PCED1B: variants seen among roughly 807,000 people sequenced by gnomAD.
PCED1B encodes the protein PC-esterase domain-containing protein 1B.
For synonymous variants in PCED1B, 251 were observed against 246.1 expected (o/e 1.02, Z -0.19); for missense variants, 573 against 573.9 (o/e 1.00, Z 0.02).
intron 1 of PCED1B, among the ~76,000 whole-genome samples, chr12:47,093,378 C>G (rs985387241): frequency 2.7e-5 from 4 of 147,304 alleles, no homozygotes; most frequent in African/African-American, 1.0e-4. Context: ...ATTTTTTTTT[C>G]TTTTGATCAG....
intron 2 of PCED1B, among the ~76,000 whole-genome samples, chr12:47,154,069 T>C (rs1376572111): frequency 6.6e-6 from 1 of 152,160 alleles, no homozygotes; most frequent in Non-Finnish European, 1.5e-5. Context: ...TTCTCCAGGG[T>C]CTCTACACAA....
intron 1 of PCED1B, among the ~76,000 whole-genome samples, chr12:47,080,908 C>T (rs377642570): frequency 6.6e-6 from 1 of 152,060 alleles, no homozygotes; most frequent in African/African-American, 2.4e-5. Flanking sequence ...GTGGCGCGTG[C>T]GGGACAGGGA....
chr12:47,177,438 G>A (rs939896252), intron 2 of PCED1B, among the ~76,000 whole-genome samples: 1 of 152,144 alleles, frequency 6.6e-6, no homozygotes, highest in Admixed American at 6.5e-5. Context: ...CCTCACTGTG[G>A]TTCCAATCAC....
At chr12:47,158,216 C>G (rs1941256633) in intron 2 of PCED1B, among the ~76,000 whole-genome samples, 1 of 152,192 alleles carries the variant, frequency 6.6e-6, no homozygotes, top group South Asian at 2.1e-4. Context: ...CAGTTTGTGA[C>G]TGTTTTCCAC....
At chr12:47,226,404 C>T (rs1351209785) in intron 3 of PCED1B, among the ~76,000 whole-genome samples, 1 of 152,212 alleles carries the variant, frequency 6.6e-6, no homozygotes, top group East Asian at 1.9e-4. Flanking sequence ...GAGTGAGTCT[C>T]GCTCTGTCGC....
In PCED1B at chr12:47,149,557, G is replaced by T. The variant is rs189598878; in HGVS notation, c.-526+45362G>T. ...ACTTTTTCAGACAGATCCTTTAAAAGTTGACTCTGGAGCCCGTCAACCTGA... is the reference window on the plus strand; with the variant it reads ...ACTTTTTCAGACAGATCCTTTAAAATTTGACTCTGGAGCCCGTCAACCTGA... On this transcript the variant is annotated intron_variant, in intron 2 of 3. Coordinates refer to ENST00000546455, the MANE Select transcript of PCED1B (RefSeq NM_138371.3). 1.3e-4 allele frequency among the ~76,000 whole-genome samples: 20 copies of T among 152,324 alleles called. No homozygotes were observed. In the East Asian group the frequency reaches 3.3e-3, roughly 25 times the overall value.
intron 1 of PCED1B, among the ~76,000 whole-genome samples, chr12:47,093,498 T>C (rs557570597): frequency 3.9e-5 from 6 of 152,092 alleles, no homozygotes; most frequent in African/African-American, 1.4e-4. Flanking sequence ...GTAAGTTTGA[T>C]TCCTGCTCTC....
chr12:47,121,064 A>G (rs1407658063), intron 2 of PCED1B, among the ~76,000 whole-genome samples: 4 of 152,184 alleles, frequency 2.6e-5, no homozygotes, highest in African/African-American at 9.7e-5. Flanking sequence ...AAATGTTCTA[A>G]AATTGTGGTG....
intron 1 of PCED1B, among the ~76,000 whole-genome samples, chr12:47,093,153 T>TA (rs1050408174): frequency 2.0e-4 from 30 of 151,138 alleles, no homozygotes; most frequent in East Asian, 3.9e-4. Context: ...GGCTTAATTT[T>TA]AAAAAAAAAT....
At chr12:47,172,849 A>G (rs1312208243) in intron 2 of PCED1B, among the ~76,000 whole-genome samples, 2 of 152,224 alleles carry the variant, frequency 1.3e-5, no homozygotes, top group African/African-American at 2.4e-5. Context: ...GCCTAGAGGA[A>G]ACAGCAATGT....
intron 2 of PCED1B, among the ~76,000 whole-genome samples, chr12:47,184,181 T>C (rs748082254): frequency 6.6e-5 from 10 of 152,148 alleles, no homozygotes; most frequent in Non-Finnish European, 1.2e-4. Context: ...ATATTTTCCA[T>C]TGTAAATGTA....
At chr12:47,085,625 TG>T (rs1244444999) in intron 1 of PCED1B, among the ~76,000 whole-genome samples, 1 of 152,232 alleles carries the variant, frequency 6.6e-6, no homozygotes, top group Non-Finnish European at 1.5e-5. Flanking sequence ...CAAAATGGTA[TG>T]GTTCCAGTTT....
chr12:47,167,827 C>T lies in PCED1B; in HGVS notation c.-525-48395C>T, dbSNP rs541887275. The stretch of plus-strand genomic sequence containing the variant: ...TGGAGGGAAGATGGGCCTTCTAGCT[C>T]AAAAGAGCACCTCCAGAGTAAAACT... On this transcript the variant is annotated intron_variant, in intron 2 of 3. Coordinates refer to ENST00000546455, the MANE Select transcript of PCED1B (RefSeq NM_138371.3). Among the ~76,000 whole-genome samples, 13 of 152,292 alleles carry T rather than the reference C, an allele frequency of 8.5e-5. No individual in the cohort carries two copies. The South Asian group carries it at 2.5e-3, about 29-fold the overall frequency.
rs138639809 is a variant in PCED1B, at chr12:47,082,073, A to G, written c.-609+2348A>G. Among the ~76,000 whole-genome samples, 204 of 152,346 alleles carry G rather than the reference A, an allele frequency of 1.3e-3. 1 individual carries two copies. The highest frequency in any genetic ancestry group is 4.7e-3 in the African/African-American group (197 of 41,584). ...GTTTACTAGCTGGGAGGAAAGAAAG[A>G]TAAGAGTTGATCTTAAGGTATAAGA... On this transcript the variant is annotated intron_variant, in intron 1 of 3. Coordinates refer to ENST00000546455, the MANE Select transcript of PCED1B (RefSeq NM_138371.3).
chr12:47,227,738 C>A (rs1943676886), intron 3 of PCED1B, among the ~76,000 whole-genome samples: 1 of 151,906 alleles, frequency 6.6e-6, no homozygotes, highest in African/African-American at 2.4e-5. Context: ...CCTGTAATTG[C>A]AGGTATCTGG....
At chr12:47,113,331 A>T (rs1303372845) in intron 2 of PCED1B, among the ~76,000 whole-genome samples, 2 of 152,230 alleles carry the variant, frequency 1.3e-5, no homozygotes, top group Non-Finnish European at 2.9e-5. Flanking sequence ...TCTTGAACAT[A>T]TACTATGTAT....
chr12:47,218,448 G>A (rs905869753), intron 3 of PCED1B, among the ~76,000 whole-genome samples: 9 of 152,178 alleles, frequency 5.9e-5, no homozygotes, highest in African/African-American at 2.2e-4. Context: ...CAAAGCAGTG[G>A]GAACTCAAGT....
At chr12:47,183,777 AT>A (rs1178355761) in intron 2 of PCED1B, among the ~76,000 whole-genome samples, 1 of 152,054 alleles carries the variant, frequency 6.6e-6, no homozygotes, top group Non-Finnish European at 1.5e-5. Flanking sequence ...ACTCATCTGT[AT>A]ACAGACTTCC....
intron 2 of PCED1B, among the ~76,000 whole-genome samples, chr12:47,200,700 G>T (rs562688655): frequency 6.6e-6 from 1 of 152,336 alleles, no homozygotes; most frequent in South Asian, 2.1e-4. Context: ...AAACTTGGCA[G>T]CAAATGCCCT....
Sources: allele counts gnomAD v4.1 joint callset (sites outside exome capture counted in the v4.1 genomes callset), GRCh38; gene constraint gnomAD v4.1.1; transcripts MANE v1.5; gene names NCBI Gene and HGNC (gene_info 2026-07-23, HGNC 2026-07-21).